The following SMYD1 variants were observed in gnomAD, a reference collection of about 807,000 sequenced individuals.
The protein encoded by SMYD1 is histone-lysine N-methyltransferase SMYD1.
In SMYD1, 49 loss-of-function variants were observed where a neutral mutation model predicts 54.0. That is an observed-to-expected ratio of 0.91 (90% CI 0.72 to 1.15). The LOEUF (loss-of-function observed/expected upper bound fraction) is 1.15, where lower values mean the gene tolerates loss of function less well. Ranked by LOEUF, SMYD1 falls within the 50% of genes most tolerant of loss-of-function variation. SMYD1 has a pLI of 0.00. For missense variants in SMYD1, 653 were observed against 639.6 expected (o/e 1.02, Z -0.23); for synonymous variants, 269 against 234.2 (o/e 1.15, Z -1.36).
At chr2:88,086,607 C>A (rs571529010) in intron 2 of SMYD1, among the ~76,000 whole-genome samples, 74 of 152,316 alleles carry the variant, frequency 4.9e-4, no homozygotes, top group Non-Finnish European at 9.9e-4. Context: ...CGTGGCATGC[C>A]CGTGGCTGCC....
chr2:88,082,814 T>C (rs995668629), intron 1 of SMYD1, among the ~76,000 whole-genome samples: 6 of 152,180 alleles, frequency 3.9e-5, no homozygotes, highest in African/African-American at 7.2e-5. Context: ...CTGACCAGGC[T>C]TGTTCCATTG....
intron 6 of SMYD1, among the ~76,000 whole-genome samples, chr2:88,102,662 T>G (rs1367188808): frequency 6.6e-6 from 1 of 152,196 alleles, no homozygotes; most frequent in African/African-American, 2.4e-5. Context: ...AACAAAAATG[T>G]AAGGATGTAC....
intron 9 of SMYD1, 126 bp from the exon 10 acceptor site, chr2:88,110,227 GT>G: frequency 2.2e-6 from 2 of 905,182 alleles, no homozygotes; most frequent in African/African-American, 3.3e-5. Flanking sequence ...GTGTGTGTGT[GT>G]GTGTGTATTC....
At chr2:88,106,610 C>A in intron 8 of SMYD1, 122 bp downstream of exon 8, 1 of 993,586 alleles carries the variant, frequency 1.0e-6, no homozygotes, top group Non-Finnish European at 1.5e-6. Flanking sequence ...GTCAGTAATC[C>A]ATCATGGTTC....
chr2:88,085,137 A>G (rs908785576), intron 2 of SMYD1, among the ~76,000 whole-genome samples: 1 of 150,184 alleles, frequency 6.7e-6, no homozygotes, highest in Non-Finnish European at 1.5e-5. Flanking sequence ...ACTTCTCTTG[A>G]AAAAAAAAAT....
intron 2 of SMYD1, among the ~76,000 whole-genome samples, chr2:88,085,728 T>A (rs536174223): frequency 1.2e-4 from 18 of 152,316 alleles, no homozygotes; most frequent in African/African-American, 4.3e-4. Flanking sequence ...AGGCAGCAGA[T>A]CTTCCCTGTG....
At chr2:88,102,103 T>C (rs1332609153) in intron 6 of SMYD1, among the ~76,000 whole-genome samples, 1 of 152,218 alleles carries the variant, frequency 6.6e-6, no homozygotes, top group Non-Finnish European at 1.5e-5. Flanking sequence ...GTTTTAATTT[T>C]CACAACTTGC....
chr2:88,078,697 C>T (rs1674123474), intron 1 of SMYD1, among the ~76,000 whole-genome samples: 1 of 152,188 alleles, frequency 6.6e-6, no homozygotes, highest in African/African-American at 2.4e-5. Flanking sequence ...AGAATCCCAG[C>T]CCCCACCCCA....
At chr2:88,100,158 G>A (rs1674690299) in intron 6 of SMYD1, among the ~76,000 whole-genome samples, 1 of 152,160 alleles carries the variant, frequency 6.6e-6, no homozygotes, top group Admixed American at 6.5e-5. Context: ...AAATCAGAGT[G>A]TTCCTGCCTT....
chr2:88,079,035 C>T (rs1162256076), intron 1 of SMYD1, among the ~76,000 whole-genome samples: 1 of 152,202 alleles, frequency 6.6e-6, no homozygotes, highest in African/African-American at 2.4e-5. Flanking sequence ...CCAAGTTCAC[C>T]ATGGGAAAAG....
At chr2:88,097,234 G>C (rs1191754455) in intron 6 of SMYD1, among the ~76,000 whole-genome samples, 1 of 152,162 alleles carries the variant, frequency 6.6e-6, no homozygotes, top group Non-Finnish European at 1.5e-5. Flanking sequence ...CTAGTCCCAT[G>C]GGGATGGGCA....
At chr2:88,082,070 G>A (rs185662221) in intron 1 of SMYD1, among the ~76,000 whole-genome samples, 197 of 152,192 alleles carry the variant, frequency 1.3e-3, no homozygotes, top group Admixed American at 5.0e-3. Flanking sequence ...CTAAGTGGCC[G>A]GAGTTCCATG....
At chr2:88,091,246 G>A (rs1674456111) in intron 4 of SMYD1, 104 bp downstream of exon 4, 3 of 1,287,600 alleles carry the variant, frequency 2.3e-6, no homozygotes, top group South Asian at 1.5e-5. Context: ...ACCTGAACTA[G>A]CATAAATTTT....
chr2:88,084,525 T>G, intron 2 of SMYD1, 33 bp downstream of exon 2: 1 of 1,538,004 alleles, frequency 6.5e-7, no homozygotes, highest in Non-Finnish European at 8.9e-7. Context: ...GTGCTTCAGA[T>G]TTCCAAATGT....
intron 7 of SMYD1, among the ~76,000 whole-genome samples, chr2:88,104,435 G>A (rs1484260885): frequency 6.6e-6 from 1 of 152,222 alleles, no homozygotes; most frequent in Non-Finnish European, 1.5e-5. Flanking sequence ...TGTACAACAT[G>A]GAAAATCTGT....
Position 88,110,794 on chromosome 2 carries a change from G to A in SMYD1, c.*282G>A. 2.8e-6 allele frequency: 1 copy of A among 355,854 alleles called. No individual in the cohort carries two copies. The highest frequency in any genetic ancestry group is 7.4e-5 in the South Asian group (1 of 13,460). 22.0% of individuals were successfully genotyped at this position (355,854 alleles called of 1,614,324 possible). On this transcript the variant is annotated 3_prime_UTR_variant, in exon 10 of 10. Transcript: ENST00000419482. ...GGAGCTCCAAATGTCGTTGGGTGGGGAAGCAAAATGTAGAGAAACATTTAA... is the reference window on the plus strand; with the variant it reads ...GGAGCTCCAAATGTCGTTGGGTGGGAAAGCAAAATGTAGAGAAACATTTAA...
chr2:88,111,385 A>G lies in SMYD1; in HGVS notation c.*873A>G, dbSNP rs1328266562. ...CTAGTAGGATTTAAAAAATATTTTC[A>G]AAGTGAAGCTGAGAGAGAATCTTGG... On this transcript the variant is annotated 3_prime_UTR_variant, in exon 10 of 10. Transcript: ENST00000419482. 1 of 152,212 alleles carries G rather than the reference A, an allele frequency of 6.6e-6. No homozygotes were observed. The highest frequency in any genetic ancestry group is 1.5e-5 in the Non-Finnish European group (1 of 68,040). The allele number at this position is 152,212 out of a possible 1,614,324, so 9.4% of individuals were successfully genotyped here.
chr2:88,067,856 G>T lies in SMYD1; in HGVS notation c.-9G>T. On this transcript the variant is annotated 5_prime_UTR_variant, in exon 1 of 10. Transcript: ENST00000419482. ...AAATAACTGCCGCGCTGGCCTGACA[G>T]TCTCTGAGATGACAATAGGGAGAAT... is the stretch of plus-strand genomic sequence containing the variant. The T allele has an allele frequency of 6.2e-7, 1 of 1,613,080 alleles. No homozygotes were observed. The highest frequency in any genetic ancestry group is 8.5e-7 in the Non-Finnish European group (1 of 1,179,726).
At chr2:88,095,517 G>A (rs1398629391) in intron 5 of SMYD1, among the ~76,000 whole-genome samples, 1 of 152,190 alleles carries the variant, frequency 6.6e-6, no homozygotes, top group East Asian at 1.9e-4. Flanking sequence ...TCAGGTGCTG[G>A]AGTCTTGCCC....
Sources: allele counts gnomAD v4.1 joint callset (sites outside exome capture counted in the v4.1 genomes callset), GRCh38; gene constraint gnomAD v4.1.1; transcripts MANE v1.5; gene names NCBI Gene and HGNC (gene_info 2026-07-23, HGNC 2026-07-21).